EXT1: variants seen among roughly 807,000 people sequenced by gnomAD.
The protein encoded by EXT1 is exostosin-1.
In EXT1, 20 loss-of-function variants were observed where a neutral mutation model predicts 82.5. That is an observed-to-expected ratio of 0.24 (90% CI 0.17 to 0.35). EXT1 has a LOEUF of 0.35. Ranked by LOEUF, EXT1 falls within the 10% of genes least tolerant of loss-of-function variation. The pLI, the probability that EXT1 is intolerant of heterozygous loss-of-function variation, is 1.00. For synonymous variants in EXT1, 348 were observed against 350.8 expected, an observed-to-expected ratio of 0.99 and a Z score of 0.09; for missense variants, 757 against 936.5, an observed-to-expected ratio of 0.81 and a Z score of 2.50.
intron 1 of EXT1, among the ~76,000 whole-genome samples, chr8:117,999,643 G>T (rs1815617498): frequency 6.6e-6 from 1 of 152,144 alleles, no homozygotes. Context: ...CTATTTCAAT[G>T]CAAGGAGCTA....
intron 4 of EXT1, among the ~76,000 whole-genome samples, chr8:117,825,791 G>T (rs1248589069): frequency 6.6e-6 from 1 of 152,180 alleles, no homozygotes; most frequent in Non-Finnish European, 1.5e-5. Flanking sequence ...TTGTATGATA[G>T]CATCAGCAAT....
At chr8:118,062,363 GAC>G (rs1816897388) in intron 1 of EXT1, among the ~76,000 whole-genome samples, 1 of 152,194 alleles carries the variant, frequency 6.6e-6, no homozygotes, top group Non-Finnish European at 1.5e-5. Flanking sequence ...TGGGCTTGCA[GAC>G]ACAGACTTCC....
chr8:117,857,879 G>A (rs1812593561), intron 1 of EXT1, among the ~76,000 whole-genome samples: 1 of 152,106 alleles, frequency 6.6e-6, no homozygotes, highest in South Asian at 2.1e-4. Context: ...TAATTCATGG[G>A]AGAAGGTCAA....
At chr8:117,855,162 A>C (rs1812520792) in intron 1 of EXT1, among the ~76,000 whole-genome samples, 1 of 152,184 alleles carries the variant, frequency 6.6e-6, no homozygotes, top group Non-Finnish European at 1.5e-5. Flanking sequence ...AAGTTGTCGG[A>C]AATCATCTCA....
intron 1 of EXT1, among the ~76,000 whole-genome samples, chr8:118,098,714 G>A (rs988794273): frequency 2.5e-4 from 37 of 146,574 alleles, no homozygotes; most frequent in Admixed American, 4.2e-4. Context: ...AGCCGAGTTC[G>A]CACCACTGCA....
At position 117,962,770 on chromosome 8, in the gene EXT1, CA is replaced by C. The variant is rs1491374310; in HGVS notation, c.963-125570del. Reference sequence around the variant, plus strand: ...TCCATCCCCCCACACCCCCCACCCCCAAAAAAAAGAGAAAAAATGGTGGCAC... The same window carrying C: ...TCCATCCCCCCACACCCCCCACCCCCAAAAAAAGAGAAAAAATGGTGGCAC... On this transcript the variant is annotated intron_variant, in intron 1 of 10. Transcript: ENST00000378204. Among the ~76,000 whole-genome samples, 84 of 137,232 alleles carry C rather than the reference CA, an allele frequency of 6.1e-4. 1 individual carries two copies. Among genetic ancestry groups the C allele is most frequent in the African/African-American group, 1.8e-3 (56 of 30,414 alleles). 90.0% of individuals were successfully genotyped at this position (137,232 alleles called of 152,430 possible). A position where few individuals can be genotyped will look rare whatever the true frequency, so the allele number is the denominator to read the frequency against.
At chr8:117,949,454 T>TTG (rs1169346090) in intron 1 of EXT1, among the ~76,000 whole-genome samples, 1 of 150,538 alleles carries the variant, frequency 6.6e-6, no homozygotes, top group Non-Finnish European at 1.5e-5. Context: ...AGTACCTAGT[T>TTG]TGTGTGTGTA....
intron 4 of EXT1, among the ~76,000 whole-genome samples, chr8:117,826,636 G>A (rs1224846963): frequency 6.6e-6 from 1 of 152,112 alleles, no homozygotes; most frequent in African/African-American, 2.4e-5. Flanking sequence ...GGGGTAATCT[G>A]AGTTATGAAG....
intron 1 of EXT1, among the ~76,000 whole-genome samples, chr8:118,023,374 C>A (rs1816146172): frequency 6.6e-6 from 1 of 152,160 alleles, no homozygotes; most frequent in Non-Finnish European, 1.5e-5. Flanking sequence ...ATGGTGTTAG[C>A]ACATCTAAAA....
chr8:117,910,765 T>C (rs1048213555), intron 1 of EXT1, among the ~76,000 whole-genome samples: 6 of 152,238 alleles, frequency 3.9e-5, no homozygotes, highest in African/African-American at 1.4e-4. Context: ...CCAAATGCTT[T>C]GACTCTACTT....
intron 1 of EXT1, among the ~76,000 whole-genome samples, chr8:117,869,480 TC>T (rs138524941): frequency 0.019 from 2,852 of 152,286 alleles, 95 homozygotes; most frequent in African/African-American, 0.066. Context: ...GTTTTTTAAA[TC>T]CTCCAAAGTA....
intron 1 of EXT1, among the ~76,000 whole-genome samples, chr8:117,986,229 G>A (rs1428397050): frequency 1.0e-4 from 15 of 145,610 alleles, no homozygotes; most frequent in African/African-American, 2.8e-4. Context: ...TCGCTCTGTC[G>A]CCCAGGCTGG....
intron 1 of EXT1, among the ~76,000 whole-genome samples, chr8:118,067,944 T>C (rs1817020471): frequency 6.6e-6 from 1 of 152,206 alleles, no homozygotes; most frequent in Admixed American, 6.5e-5. Flanking sequence ...CTACAAGACA[T>C]AGCCATGGTG....
Position 117,799,760 on chromosome 8 carries a change from G to A in EXT1, c.2193C>T (p.Asp731=), listed in dbSNP as rs766226539. The change falls in exon 11 of 11, where the codon GAC becomes GAT. Residue 731 remains aspartate, a synonymous_variant. Transcript: ENST00000378204. ...QMRLDPVLFK[D]QVSILRKKYR... Reference sequence around the variant, plus strand: ...ATTTCTTCCTCAAAATAGAGACCTGGTCTTTAAAGAGGACGGGGTCGAGCC... The same window carrying A: ...ATTTCTTCCTCAAAATAGAGACCTGATCTTTAAAGAGGACGGGGTCGAGCC... 1 of 1,614,114 alleles carries A rather than the reference G, an allele frequency of 6.2e-7. No individual in the cohort carries two copies. Among genetic ancestry groups the A allele is most frequent in the Non-Finnish European group, 8.5e-7 (1 of 1,180,020 alleles).
At chr8:118,002,704 T>C (rs1042725739) in intron 1 of EXT1, among the ~76,000 whole-genome samples, 2 of 151,800 alleles carry the variant, frequency 1.3e-5, no homozygotes, top group African/African-American at 2.4e-5. Context: ...CCTAATTTTT[T>C]TGTATTTTTA....
At chr8:118,008,877 T>C (rs187998595) in intron 1 of EXT1, among the ~76,000 whole-genome samples, 1 of 152,274 alleles carries the variant, frequency 6.6e-6, no homozygotes, top group East Asian at 1.9e-4. Context: ...ATGAAAAATA[T>C]GTAAAATTCT....
chr8:117,803,997 C>T (rs185853381), intron 10 of EXT1, among the ~76,000 whole-genome samples: 4 of 152,188 alleles, frequency 2.6e-5, no homozygotes, highest in Admixed American at 1.3e-4. Context: ...ACTGCAAGCA[C>T]CAGAAAACTG....
In EXT1 at chr8:117,926,438, A is replaced by G. The variant is rs558660348; in HGVS notation, c.963-89237T>C. ...CCATCTAACTGATTGCTCTTCAGAT[A>G]AATTTCTCCCACTTTTTAAAAAAGC... On this transcript the variant is annotated intron_variant, in intron 1 of 10. Coordinates refer to ENST00000378204, the MANE Select transcript of EXT1 (RefSeq NM_000127.3). Among the ~76,000 whole-genome samples, 32 of 152,346 alleles carry G rather than the reference A, an allele frequency of 2.1e-4. No homozygotes were observed. In the South Asian group the frequency reaches 2.3e-3, roughly 11 times the overall value.
In EXT1 at chr8:117,969,896, G is replaced by C. The variant is rs186475252; in HGVS notation, c.963-132695C>G. 3.9e-5 allele frequency among the ~76,000 whole-genome samples: 6 copies of C among 152,288 alleles called. No homozygotes were observed. The South Asian group carries it at 1.2e-3, about 32-fold the overall frequency. ...ATATTGAACGTAGGGTCACTGACAG[G>C]ATTGAAATGGATCCAAGTTACCTTG... On this transcript the variant is annotated intron_variant, in intron 1 of 10. Transcript: ENST00000378204.
Sources: allele counts gnomAD v4.1 joint callset (sites outside exome capture counted in the v4.1 genomes callset), GRCh38; gene constraint gnomAD v4.1.1; transcripts MANE v1.5; gene names NCBI Gene and HGNC (gene_info 2026-07-23, HGNC 2026-07-21).